The following NELL1 variants were observed in gnomAD, a reference collection of about 807,000 sequenced individuals.
NELL1 encodes neural EGFL like 1, also known as protein kinase C-binding protein NELL1.
A neutral mutation model predicts 107.4 loss-of-function variants in NELL1; 76 were observed. The ratio of observed to expected loss-of-function variants is 0.71; its 90% CI spans 0.59 to 0.86. The LOEUF is 0.86. NELL1 is among the 40% of genes least tolerant of loss of function. The pLI, the probability that NELL1 is intolerant of heterozygous loss-of-function variation, is 0.00. For missense variants in NELL1, 1,024 were observed against 1,005.5 expected, an observed-to-expected ratio of 1.02 and a Z score of -0.25; for synonymous variants, 353 against 341.2, an observed-to-expected ratio of 1.03 and a Z score of -0.38.
chr11:21,244,664 C>G (rs943947347), intron 14 of NELL1, among the ~76,000 whole-genome samples: 1 of 152,158 alleles, frequency 6.6e-6, no homozygotes. Context: ...TGAGTTTGCT[C>G]TCTTGCCTGA....
rs550970601 is a variant in NELL1 at position 21,445,336 on chromosome 11, G to T, written c.1645+74388G>T. 2.5e-3 allele frequency among the ~76,000 whole-genome samples: 375 copies of T among 149,704 alleles called. 1 individual carries two copies. Among genetic ancestry groups the T allele is most frequent in the Non-Finnish European group, 4.2e-3 (285 of 67,174 alleles). Reference sequence around the variant, plus strand: ...CTTGTTTTTGTTTTTGTTTTTTTGGGTTTTTTTGAGATGGAATTTCGCTCT... The same window carrying T: ...CTTGTTTTTGTTTTTGTTTTTTTGGTTTTTTTTGAGATGGAATTTCGCTCT... On this transcript the variant is annotated intron_variant, in intron 15 of 19. Transcript: ENST00000357134.
At chr11:21,319,113 G>A (rs371192324) in intron 14 of NELL1, among the ~76,000 whole-genome samples, 16 of 149,608 alleles carry the variant, frequency 1.1e-4, no homozygotes, top group South Asian at 4.3e-4. Context: ...TAACTACTAA[G>A]AGTGACATCT....
chr11:20,914,850 T>C (rs1334711324), intron 5 of NELL1, among the ~76,000 whole-genome samples: 1 of 152,022 alleles, frequency 6.6e-6, no homozygotes, highest in Non-Finnish European at 1.5e-5. Flanking sequence ...GTAGTTCTTA[T>C]GGAAAGTATC....
chr11:20,745,447 A>G (rs1476624431), intron 2 of NELL1, among the ~76,000 whole-genome samples: 1 of 152,244 alleles, frequency 6.6e-6, no homozygotes, highest in African/African-American at 2.4e-5. Flanking sequence ...CACTGACATT[A>G]GTGTGTTCTT....
chr11:20,683,890 T>C (rs564724772), intron 2 of NELL1, among the ~76,000 whole-genome samples: 1 of 152,168 alleles, frequency 6.6e-6, no homozygotes, highest in South Asian at 2.1e-4. Flanking sequence ...ACTTTCTCTT[T>C]ATCACTGATT....
rs114397330 is a variant in NELL1, at chr11:21,529,368, T to A, written c.1646-5006T>A. Among the ~76,000 whole-genome samples the A allele has an allele frequency of 9.5e-3, 1,450 of 152,242 alleles. 21 individuals are homozygous for A. The highest frequency in any genetic ancestry group is 0.033 in the African/African-American group (1,382 of 41,544). Reference sequence around the variant, plus strand: ...TCAAAGGAAGCATGCTCCAGGCACATCCCTAAGAACCCAAGAGAAACAAGA... The same window carrying A: ...TCAAAGGAAGCATGCTCCAGGCACAACCCTAAGAACCCAAGAGAAACAAGA... On this transcript the variant is annotated intron_variant, in intron 15 of 19. Transcript: ENST00000357134.
rs528995142 is a variant in NELL1 at position 20,942,020 on chromosome 11, A to G, written c.1071+4161A>G. On this transcript the variant is annotated intron_variant, in intron 10 of 19. Transcript: ENST00000357134. The stretch of plus-strand genomic sequence containing the variant: ...AAAGACCATCCTCGCAAGTGCTCTT[A>G]CTTACATTGTTTCATTTTCTTTTCA... 1.6e-3 allele frequency among the ~76,000 whole-genome samples: 251 copies of G among 152,288 alleles called. 1 individual carries two copies. Among genetic ancestry groups the G allele is most frequent in the African/African-American group, 5.3e-3 (222 of 41,578 alleles).
At chr11:20,781,874 C>CAAAAAAAAAAAA (rs138345829) in intron 2 of NELL1, among the ~76,000 whole-genome samples, 234 of 76,318 alleles carry the variant, frequency 3.1e-3, no homozygotes, top group African/African-American at 4.6e-3. Flanking sequence ...ACCAAAAATA[C>CAAAAAAAAAAAA]AAAAAAAAAA....
intron 14 of NELL1, among the ~76,000 whole-genome samples, chr11:21,238,821 G>A (rs900297082): frequency 6.6e-6 from 1 of 151,990 alleles, no homozygotes; most frequent in Middle Eastern, 3.2e-3. Flanking sequence ...GACACATTGG[G>A]TTCAAATTTT....
At chr11:21,249,280 G>A (rs1429073702) in intron 14 of NELL1, among the ~76,000 whole-genome samples, 1 of 152,144 alleles carries the variant, frequency 6.6e-6, no homozygotes, top group Non-Finnish European at 1.5e-5. Context: ...CCAAAGGGAA[G>A]ACAGTGTTTT....
In NELL1 at chr11:20,970,221, A is replaced by G. The variant is rs915884672; in HGVS notation, c.1300+9661A>G. The stretch of plus-strand genomic sequence containing the variant: ...CAACTCCATGGGGCATCATTTATGT[A>G]GTTGTCTAGGTGAGTGGCAGCTGCT... On this transcript the variant is annotated intron_variant, in intron 12 of 19. Coordinates refer to ENST00000357134, the MANE Select transcript of NELL1 (RefSeq NM_006157.5). Among the ~76,000 whole-genome samples, 9 of 152,104 alleles carry G rather than the reference A, an allele frequency of 5.9e-5. No homozygotes were observed. In the East Asian group the frequency reaches 1.7e-3, roughly 29 times the overall value.
In NELL1 at chr11:21,146,109, C is replaced by T. The variant is rs117365598; in HGVS notation, c.1426+32395C>T. On this transcript the variant is annotated intron_variant, in intron 13 of 19. Transcript: ENST00000357134. ...AAATGGTGATAATAATATTTATCAT[C>T]AAAGGCTGTTGTGAGGATTAAATTA... Among the ~76,000 whole-genome samples, 1,452 of 152,216 alleles carry T rather than the reference C, an allele frequency of 9.5e-3. 64 individuals carry two copies. The East Asian group carries it at 0.11, about 12-fold the overall frequency.
chr11:21,395,895 A>G (rs1022762692), intron 15 of NELL1, among the ~76,000 whole-genome samples: 13 of 151,530 alleles, frequency 8.6e-5, no homozygotes, highest in Non-Finnish European at 3.0e-5. Context: ...ATTGATTAGA[A>G]AAATAAAACA....
At chr11:20,915,721 T>A (rs11025814) in intron 5 of NELL1, among the ~76,000 whole-genome samples, 778 of 12,604 alleles carry the variant, frequency 0.062, 6 homozygotes, top group Non-Finnish European at 0.073. Context: ...ATATATATTT[T>A]TTTTTTTTTT....
chr11:21,540,205 C>A (rs902233292), intron 16 of NELL1, among the ~76,000 whole-genome samples: 2 of 151,860 alleles, frequency 1.3e-5, no homozygotes, highest in Non-Finnish European at 2.9e-5. Context: ...TCCTGTTTTC[C>A]AGCTATTTTG....
intron 13 of NELL1, among the ~76,000 whole-genome samples, chr11:21,138,725 A>G (rs867281846): frequency 6.6e-6 from 1 of 152,232 alleles, no homozygotes; most frequent in South Asian, 2.1e-4. Flanking sequence ...TTAATCAAAT[A>G]ACTTGATTGT....
At chr11:21,492,300 C>A (rs1467201399) in intron 15 of NELL1, among the ~76,000 whole-genome samples, 1 of 151,680 alleles carries the variant, frequency 6.6e-6, no homozygotes, top group Non-Finnish European at 1.5e-5. Context: ...GTTGGTGGGA[C>A]TGTAAACTAG....
intron 13 of NELL1, among the ~76,000 whole-genome samples, chr11:21,222,007 C>A (rs1282673047): frequency 6.6e-6 from 1 of 151,796 alleles, no homozygotes; most frequent in African/African-American, 2.4e-5. Context: ...TTGAATGATT[C>A]TTTATATTTC....
rs79087175 is a variant in NELL1, at chr11:21,132,696, C to T, written c.1426+18982C>T. The stretch of plus-strand genomic sequence containing the variant: ...CAGAGCCCCAAAGAAGATGCTACAG[C>T]CCTGGCTCGGGGAGCCCCTAAATCT... On this transcript the variant is annotated intron_variant, in intron 13 of 19. Transcript: ENST00000357134. Among the ~76,000 whole-genome samples the T allele has an allele frequency of 9.4e-3, 1,436 of 152,196 alleles. 64 individuals carry two copies. The East Asian group carries it at 0.11, about 12-fold the overall frequency.
Sources: allele counts gnomAD v4.1 joint callset (sites outside exome capture counted in the v4.1 genomes callset), GRCh38; gene constraint gnomAD v4.1.1; transcripts MANE v1.5; gene names NCBI Gene and HGNC (gene_info 2026-07-23, HGNC 2026-07-21).